BCAS3: variants seen among roughly 807,000 people sequenced by gnomAD.
BCAS3 encodes the protein BCAS3 microtubule associated cell migration factor.
A neutral mutation model predicts 116.1 loss-of-function variants in BCAS3; 53 were observed. The observed-to-expected ratio is 0.46, with a 90% CI of 0.37 to 0.57. BCAS3 has a LOEUF of 0.57. Ranked by LOEUF, BCAS3 falls within the 20% of genes least tolerant of loss-of-function variation. The pLI, the probability that BCAS3 is intolerant of heterozygous loss-of-function variation, is 0.00. For missense variants in BCAS3, 917 were observed against 1,165.4 expected (o/e 0.79, Z 3.10); for synonymous variants, 391 against 408.2 (o/e 0.96, Z 0.51).
chr17:60,707,319 G>A (rs145399247), intron 4 of BCAS3, among the ~76,000 whole-genome samples: 107 of 152,078 alleles, frequency 7.0e-4, no homozygotes, highest in African/African-American at 2.4e-3. Context: ...GTAGAGATGG[G>A]GTTTCGCCAT....
rs529870513 is a variant in BCAS3, at chr17:61,278,197, G to A, written c.2426-90130G>A. The stretch of plus-strand genomic sequence containing the variant: ...AGCTGGGATTACAGACACATGCCAC[G>A]ATGCCCAGCTAATTTTTGTATTTTT... On this transcript the variant is annotated intron_variant, in intron 22 of 23. Transcript: ENST00000407086. This position sits in a 1 kb window ranked among gnomAD's most constrained non-coding sequence, Gnocchi z 5.8. Among the ~76,000 whole-genome samples the A allele has an allele frequency of 8.5e-5, 13 of 152,102 alleles. No homozygotes were observed. The highest frequency in any genetic ancestry group is 3.9e-4 in the East Asian group (2 of 5,166).
intron 22 of BCAS3, among the ~76,000 whole-genome samples, chr17:61,234,666 C>G (rs2082886660): frequency 6.6e-6 from 1 of 151,916 alleles, no homozygotes; most frequent in African/African-American, 2.4e-5. Context: ...TGCAGCATTT[C>G]ACCAACCCAT....
chr17:61,131,065 GA>G lies in BCAS3; in HGVS notation c.2425+46510del, dbSNP rs372048980. Among the ~76,000 whole-genome samples the G allele has an allele frequency of 6.0e-5, 9 of 150,242 alleles. No homozygotes were observed. The South Asian group carries it at 6.3e-4, about 11-fold the overall frequency. On this transcript the variant is annotated intron_variant, in intron 22 of 23. Transcript: ENST00000407086. This position sits in a 1 kb window ranked among gnomAD's most constrained non-coding sequence, Gnocchi z 4.4. ...AGCAAGACTCTGTCTCAAAAAGGGGGAAAAAAAAAGATGTTGGAGACCTAGG... is the reference window on the plus strand; with the variant it reads ...AGCAAGACTCTGTCTCAAAAAGGGGGAAAAAAAAGATGTTGGAGACCTAGG...
intron 10 of BCAS3, 112 bp downstream of exon 10, chr17:60,889,883 C>A (rs1446437057): frequency 3.1e-6 from 3 of 962,828 alleles, no homozygotes; most frequent in African/African-American, 3.3e-5. Flanking sequence ...GTTTTACTTA[C>A]TAGTTCATTT....
chr17:61,198,594 A>G lies in BCAS3; in HGVS notation c.2425+114030A>G, dbSNP rs16944991. 2.0e-5 allele frequency among the ~76,000 whole-genome samples: 3 copies of G among 152,152 alleles called. No individual in the cohort carries two copies. The highest frequency in any genetic ancestry group is 7.2e-5 in the African/African-American group (3 of 41,416). On this transcript the variant is annotated intron_variant, in intron 22 of 23. Transcript: ENST00000407086. The surrounding 1 kb of genome is among the most constrained non-coding windows in gnomAD (Gnocchi z 5.0). ...TGCAAGAAGGTGAAAGTAGACAAAC[A>G]TGTTTTTGACACATTGTTATTGCTA...
In BCAS3 at chr17:61,363,850, C is replaced by T. The variant is rs575457940; in HGVS notation, c.2426-4477C>T. 4.9e-4 allele frequency among the ~76,000 whole-genome samples: 75 copies of T among 152,302 alleles called. No individual in the cohort carries two copies. Among genetic ancestry groups the T allele is most frequent in the African/African-American group, 1.8e-3 (73 of 41,568 alleles). On this transcript the variant is annotated intron_variant, in intron 22 of 23. Transcript: ENST00000407086. The surrounding 1 kb of genome is among the most constrained non-coding windows in gnomAD (Gnocchi z 4.9). ...TCTGATGGAGTGTCCCTGGGCTGGT[C>T]AGATGAATGATAGCTGTGCTGTCAA... is the stretch of plus-strand genomic sequence containing the variant.
intron 12 of BCAS3, among the ~76,000 whole-genome samples, chr17:60,911,477 T>G (rs2058509364): frequency 6.6e-6 from 1 of 152,164 alleles, no homozygotes; most frequent in African/African-American, 2.4e-5. Flanking sequence ...TTTGTATTTT[T>G]TAGTAGAGTT....
At chr17:61,062,489 T>A in intron 19 of BCAS3, among the ~76,000 whole-genome samples, 1 of 152,198 alleles carries the variant, frequency 6.6e-6, no homozygotes. Flanking sequence ...CTTTTCCAGC[T>A]ATCCTACTGT....
chr17:60,727,336 C>T (rs1243660804), intron 5 of BCAS3: 3 of 1,420,134 alleles, frequency 2.1e-6, no homozygotes, highest in Non-Finnish European at 3.0e-6. Context: ...GCCTTCTCTG[C>T]CCACCATAGC....
chr17:61,301,150 T>G (rs532173127), intron 22 of BCAS3, among the ~76,000 whole-genome samples: 33 of 152,350 alleles, frequency 2.2e-4, no homozygotes, highest in African/African-American at 6.5e-4. Flanking sequence ...AAATAAAGTT[T>G]TATCGGAACA....
Position 61,365,350 on chromosome 17 carries a change from TTGAC to T in BCAS3, c.2426-2973_2426-2970del, listed in dbSNP as rs1265682056. On this transcript the variant is annotated intron_variant, in intron 22 of 23. Coordinates refer to ENST00000407086, the MANE Select transcript of BCAS3 (RefSeq NM_017679.5). The surrounding 1 kb of genome is among the most constrained non-coding windows in gnomAD (Gnocchi z 4.6). ...ATTGATTGATTGACTGATTGAGTGATTGACTGAGAGTCTCACTCTGTCACCCAGG... is the reference window on the plus strand; with the variant it reads ...ATTGATTGATTGACTGATTGAGTGATTGAGAGTCTCACTCTGTCACCCAGG... Among the ~76,000 whole-genome samples, 1 of 152,188 alleles carries T rather than the reference TTGAC, an allele frequency of 6.6e-6. No homozygotes were observed. Among genetic ancestry groups the T allele is most frequent in the Non-Finnish European group, 1.5e-5 (1 of 68,028 alleles).
Position 61,392,457 on chromosome 17 carries a change from C to G in BCAS3, c.*332C>G, listed in dbSNP as rs2060179639. On this transcript the variant is annotated 3_prime_UTR_variant, in exon 24 of 24. Coordinates refer to ENST00000407086, the MANE Select transcript of BCAS3 (RefSeq NM_017679.5). This position sits in a 1 kb window ranked among gnomAD's most constrained non-coding sequence, Gnocchi z 6.4. ...CCCACGGTGGGGCGGGTGGGGGGAGCCTGGAACAGTGACCAGATCTGGGGG... is the reference window on the plus strand; with the variant it reads ...CCCACGGTGGGGCGGGTGGGGGGAGGCTGGAACAGTGACCAGATCTGGGGG... 3 of 219,750 alleles carry G rather than the reference C, an allele frequency of 1.4e-5. No individual in the cohort carries two copies. In the South Asian group the frequency reaches 2.9e-4, roughly 21 times the overall value. The allele number at this position is 219,750 out of a possible 1,614,324, so 13.6% of individuals were successfully genotyped here.
At position 61,392,307 on chromosome 17, in the gene BCAS3, GCACTTGCCCTCTGCCACA is replaced by G; in HGVS notation, c.*184_*201del. On this transcript the variant is annotated 3_prime_UTR_variant, in exon 24 of 24. Coordinates refer to ENST00000407086, the MANE Select transcript of BCAS3 (RefSeq NM_017679.5). This position sits in a 1 kb window ranked among gnomAD's most constrained non-coding sequence, Gnocchi z 6.4. ...GAGACCCTTCTCCAAGCACCTCAGC[GCACTTGCCCTCTGCCACA>G]CCTGTCGGTGGAGGCTGTGGCCAGG... 1 of 695,494 alleles carries G rather than the reference GCACTTGCCCTCTGCCACA, an allele frequency of 1.4e-6. No homozygotes were observed. Among genetic ancestry groups the G allele is most frequent in the South Asian group, 2.0e-5 (1 of 49,124 alleles). The allele number at this position is 695,494 out of a possible 1,614,324, so 43.1% of individuals were successfully genotyped here.
chr17:60,689,152 A>G (rs915913232), intron 3 of BCAS3: 4 of 152,214 alleles, frequency 2.6e-5, no homozygotes, highest in African/African-American at 9.7e-5. Flanking sequence ...ATAGATTGTG[A>G]TCATTGTATT....
chr17:61,104,544 T>TC lies in BCAS3; in HGVS notation c.2425+19981dup, dbSNP rs2074523540. ...GATATATGCCTTTCAGATCTGCACTTCATCTCATACTTCATCATTTATTGG... is the reference window on the plus strand; with the variant it reads ...GATATATGCCTTTCAGATCTGCACTTCCATCTCATACTTCATCATTTATTGG... On this transcript the variant is annotated intron_variant, in intron 22 of 23. Coordinates refer to ENST00000407086, the MANE Select transcript of BCAS3 (RefSeq NM_017679.5). This position sits in a 1 kb window ranked among gnomAD's most constrained non-coding sequence, Gnocchi z 4.1. Among the ~76,000 whole-genome samples, 1 of 152,286 alleles carries TC rather than the reference T, an allele frequency of 6.6e-6. No homozygotes were observed. Among genetic ancestry groups the TC allele is most frequent in the African/African-American group, 2.4e-5 (1 of 41,552 alleles).
At chr17:61,178,143 A>G (rs1430060209) in intron 22 of BCAS3, among the ~76,000 whole-genome samples, 2 of 152,184 alleles carry the variant, frequency 1.3e-5, no homozygotes, top group Non-Finnish European at 2.9e-5. Flanking sequence ...GGTGGGCTGT[A>G]TACATTCAAT....
intron 5 of BCAS3, among the ~76,000 whole-genome samples, chr17:60,739,651 T>C (rs1009567699): frequency 1.3e-5 from 2 of 152,086 alleles, no homozygotes; most frequent in African/African-American, 4.8e-5. Flanking sequence ...TAAGTTTTAT[T>C]TCACCTTCAC....
chr17:61,381,401 CA>C lies in BCAS3; in HGVS notation c.2594-10575del, dbSNP rs1179661067. On this transcript the variant is annotated intron_variant, in intron 23 of 23. Coordinates refer to ENST00000407086, the MANE Select transcript of BCAS3 (RefSeq NM_017679.5). The surrounding 1 kb of genome is among the most constrained non-coding windows in gnomAD (Gnocchi z 6.0). ...CCATCTGGACGGGCGGCGGCACCAC[CA>C]CAATTAGCTGAGACTGTGATCCTTT... Among the ~76,000 whole-genome samples, 1 of 152,152 alleles carries C rather than the reference CA, an allele frequency of 6.6e-6. No individual in the cohort carries two copies. Among genetic ancestry groups the C allele is most frequent in the African/African-American group, 2.4e-5 (1 of 41,428 alleles).
chr17:61,322,080 T>C (rs574331206), intron 22 of BCAS3, among the ~76,000 whole-genome samples: 1 of 152,098 alleles, frequency 6.6e-6, no homozygotes, highest in Admixed American at 6.5e-5. Context: ...ATTACAGGCA[T>C]GCACCACCAC....
Sources: gnomAD v4.1 joint callset for allele counts (sites outside exome capture counted in the v4.1 genomes callset) on GRCh38, gnomAD v4.1.1 for gene constraint, Gnocchi (gnomAD v3.1) non-coding constraint, MANE v1.5 for transcripts, NCBI Gene and HGNC (gene_info 2026-07-23, HGNC 2026-07-21) for gene names.